The following APOC2 variants were observed in gnomAD, a reference collection of about 807,000 sequenced individuals.
The protein encoded by APOC2 is apolipoprotein C2.
APOC2 carries 6 observed loss-of-function variants against 10.2 expected under a neutral mutation model. The ratio of observed to expected loss-of-function variants is 0.59; its 90% CI spans 0.32 to 1.16. The LOEUF (loss-of-function observed/expected upper bound fraction) is 1.16. APOC2 is among the 50% of genes most tolerant of loss of function. The probability of loss-of-function intolerance (pLI) is 0.05; values close to 1 mark genes in which losing one functional copy is unlikely to be tolerated. For synonymous variants in APOC2, 56 were observed against 48.5 expected (o/e 1.15, Z -0.64); for missense variants, 110 against 117.6 (o/e 0.94, Z 0.30).
chr19:44,949,277 G>A lies in APOC2; in HGVS notation c.*28G>A. 1 of 1,595,186 alleles carries A rather than the reference G, an allele frequency of 6.3e-7. No individual in the cohort carries two copies. Among genetic ancestry groups the A allele is most frequent in the Non-Finnish European group, 8.6e-7 (1 of 1,165,688 alleles). ...GCCAGACCCCCCATCAGTGGACAAGGGGAGAGTCCCCTACTCCCCTGATCC... is the reference window on the plus strand; with the variant it reads ...GCCAGACCCCCCATCAGTGGACAAGAGGAGAGTCCCCTACTCCCCTGATCC... On this transcript the variant is annotated 3_prime_UTR_variant, in exon 4 of 4. Coordinates refer to ENST00000252490, the MANE Select transcript of APOC2 (RefSeq NM_000483.5).
intron 1 of APOC2, 121 bp downstream of exon 1, chr19:44,946,196 T>G (rs1163996369): frequency 3.2e-5 from 2 of 62,088 alleles, no homozygotes; most frequent in African/African-American, 1.4e-4. Flanking sequence ...CATGACTGTG[T>G]GTGTGTGTGT....
chr19:44,948,610 T>C lies in APOC2; in HGVS notation c.55+77T>C, dbSNP rs989170781. 4.4e-6 allele frequency: 7 copies of C among 1,604,826 alleles called. No homozygotes were observed. The African/African-American group carries it at 6.7e-5, about 15-fold the overall frequency. The stretch of plus-strand genomic sequence containing the variant: ...AGCATCTTCCCAGCCCAGGCCCTTC[T>C]TACCTCTGCCTCTGCCCTCTCCTCT... On this transcript the variant is annotated intron_variant, in intron 2 of 3. Coordinates refer to ENST00000252490, the MANE Select transcript of APOC2 (RefSeq NM_000483.5).
rs752198029 is a variant in APOC2 at position 44,949,258 on chromosome 19, C to T, written c.*9C>T. 5.0e-6 allele frequency: 8 copies of T among 1,610,800 alleles called. No homozygotes were observed. In the Admixed American group the frequency reaches 1.2e-4, roughly 24 times the overall value. On this transcript the variant is annotated 3_prime_UTR_variant, in exon 4 of 4. Transcript: ENST00000252490. ...TGAAGGGAGAGGAGTAACAGCCAGA[C>T]CCCCCATCAGTGGACAAGGGGAGAG...
Position 44,948,515 on chromosome 19 carries a change from C to T in APOC2, c.37C>T (p.Leu13Phe), listed in dbSNP as rs1039763443. The T allele has an allele frequency of 6.2e-7, 1 of 1,614,028 alleles. No individual in the cohort carries two copies. The highest frequency in any genetic ancestry group is 8.5e-7 in the Non-Finnish European group (1 of 1,180,026). ...TRLLPALFLV[L>F]LVLGFEVQGT... ...ACTCCTCCCAGCTCTGTTTCTTGTC[C>T]TCCTGGTATTGGGATTTGGTGAGTG... The change falls in exon 2 of 4, where the codon CTC (leucine) becomes TTC (phenylalanine). Residue 13 changes from leucine to phenylalanine, a missense_variant. Leu to Phe is a conservative substitution (Grantham distance 22). Coordinates refer to ENST00000252490, the MANE Select transcript of APOC2 (RefSeq NM_000483.5).
chr19:44,946,191 CTGTGTGTGTGTGTGTGTGTG>C (rs71338739), intron 1 of APOC2, 116 bp downstream of exon 1: 5 of 134,120 alleles, frequency 3.7e-5, no homozygotes, highest in South Asian at 4.8e-4. Context: ...GGAACCATGA[CTGTGTGTGTGTGTGTGTGTG>C]TGTGTGTGTG....
intron 1 of APOC2, chr19:44,947,458 T>G (rs893325983): frequency 3.3e-5 from 5 of 152,410 alleles, no homozygotes; most frequent in African/African-American, 1.2e-4. Context: ...GGCAGAGGCT[T>G]TGCTGTGTTC....
intron 1 of APOC2, among the ~76,000 whole-genome samples, chr19:44,946,304 C>T (rs1167810429): frequency 6.6e-6 from 1 of 151,520 alleles, no homozygotes; most frequent in Non-Finnish European, 1.5e-5. Flanking sequence ...TGGGCTCAAG[C>T]AATCCTCCTG....
chr19:44,948,991 C>T lies in APOC2; in HGVS notation c.215+131C>T. The T allele has an allele frequency of 5.4e-6, 7 of 1,291,020 alleles. No individual in the cohort carries two copies. The South Asian group carries it at 9.1e-5, about 17-fold the overall frequency. The allele number at this position is 1,291,020 out of a possible 1,614,324, so 80.0% of individuals were successfully genotyped here. A position where few individuals can be genotyped will look rare whatever the true frequency, so the allele number is the denominator to read the frequency against. The stretch of plus-strand genomic sequence containing the variant: ...GGCCTCAGCCCCTCCTCCCTCAGAC[C>T]CAGGAGTCCAGGCCCCCAGCCCGTC... On this transcript the variant is annotated intron_variant, in intron 3 of 3. Coordinates refer to ENST00000252490, the MANE Select transcript of APOC2 (RefSeq NM_000483.5).
rs1468417292 is a variant in APOC2, at chr19:44,949,455, G to A, written c.*206G>A. 3.3e-6 allele frequency: 2 copies of A among 607,026 alleles called. No individual in the cohort carries two copies. Among genetic ancestry groups the A allele is most frequent in the African/African-American group, 1.8e-5 (1 of 54,290 alleles). The allele number at this position is 607,026 out of a possible 1,614,324, so 37.6% of individuals were successfully genotyped here. A position where few individuals can be genotyped will look rare whatever the true frequency, so the allele number is the denominator to read the frequency against. ...ACTCAAGGGCCAAGATGGAGGGGCT[G>A]ACTCAGTCCAGCCAACATTTAATGA... On this transcript the variant is annotated 3_prime_UTR_variant, in exon 4 of 4. Coordinates refer to ENST00000252490, the MANE Select transcript of APOC2 (RefSeq NM_000483.5).
At chr19:44,947,907 A>C (rs1970339485) in intron 1 of APOC2, among the ~76,000 whole-genome samples, 1 of 152,206 alleles carries the variant, frequency 6.6e-6, no homozygotes, top group Admixed American at 6.5e-5. Context: ...ATCTCTACTA[A>C]AAATACAAAA....
At position 44,948,643 on chromosome 19, in the gene APOC2, T is replaced by G. The variant is rs528176006; in HGVS notation, c.56-58T>G. The G allele has an allele frequency of 6.2e-6, 10 of 1,609,434 alleles. No homozygotes were observed. The East Asian group carries it at 2.2e-4, about 36-fold the overall frequency. ...GCCTCTGCCCTCTCCTCTTCTTCCT[T>G]CCTCCTTTCCCCCTGCTGCAGCCCC... On this transcript the variant is annotated intron_variant, in intron 2 of 3. Coordinates refer to ENST00000252490, the MANE Select transcript of APOC2 (RefSeq NM_000483.5).
chr19:44,948,894 C>G (rs1225024435), intron 3 of APOC2, 34 bp downstream of exon 3: 2 of 1,607,254 alleles, frequency 1.2e-6, no homozygotes, highest in African/African-American at 2.7e-5. Context: ...GGGGTCTGGC[C>G]CATACCACCG....
chr19:44,948,095 G>T (rs1056958456), intron 1 of APOC2, among the ~76,000 whole-genome samples: 2 of 151,652 alleles, frequency 1.3e-5, no homozygotes, highest in African/African-American at 4.8e-5. Context: ...AAAATCAGCC[G>T]GGTGGTGGCG....
Position 44,946,747 on chromosome 19 carries a change from AG to A in APOC2, c.-14+674del, listed in dbSNP as rs1441279296. 1.1e-4 allele frequency among the ~76,000 whole-genome samples: 16 copies of A among 152,096 alleles called. 1 individual carries two copies. The highest frequency in any genetic ancestry group is 1.0e-3 in the Admixed American group (16 of 15,240). On this transcript the variant is annotated intron_variant, in intron 1 of 3. Transcript: ENST00000252490. Reference sequence around the variant, plus strand: ...TGAGACAGGAGAATTGCTTGAACCCAGGAAGCGGAGGTTGCAGTGAGCCCAG... The same window carrying A: ...TGAGACAGGAGAATTGCTTGAACCCAGAAGCGGAGGTTGCAGTGAGCCCAG...
intron 1 of APOC2, 129 bp from the exon 2 acceptor site, chr19:44,948,337 T>C (rs1191067400): frequency 5.1e-6 from 4 of 783,236 alleles, no homozygotes; most frequent in South Asian, 1.4e-5. Flanking sequence ...AGTCCATGCA[T>C]GGGAAACTTG....
intron 1 of APOC2, among the ~76,000 whole-genome samples, chr19:44,948,135 C>T (rs574395822): frequency 6.6e-6 from 1 of 152,072 alleles, no homozygotes; most frequent in Non-Finnish European, 1.5e-5. Context: ...ACTGGGGAGG[C>T]TGAGGCAGGA....
rs1003986016 is a variant in APOC2, at chr19:44,949,331, CAGT to C, written c.*85_*87del. On this transcript the variant is annotated 3_prime_UTR_variant, in exon 4 of 4. Coordinates refer to ENST00000252490, the MANE Select transcript of APOC2 (RefSeq NM_000483.5). Reference sequence around the variant, plus strand: ...AGGTTCAGACTGAGCTCCCCCTTCCCAGTAGCTCTTGCATCCTCCTCCCAACTC... The same window carrying C: ...AGGTTCAGACTGAGCTCCCCCTTCCCAGCTCTTGCATCCTCCTCCCAACTC... The C allele has an allele frequency of 1.9e-6, 2 of 1,036,884 alleles. No individual in the cohort carries two copies. The highest frequency in any genetic ancestry group is 5.0e-5 in the East Asian group (2 of 40,164). The allele number at this position is 1,036,884 out of a possible 1,614,324, so 64.2% of individuals were successfully genotyped here.
chr19:44,948,352 G>A lies in APOC2; in HGVS notation c.-13-114G>A, dbSNP rs1599992489. On this transcript the variant is annotated intron_variant, in intron 1 of 3. Transcript: ENST00000252490. ...AGTCCATGCATGGGAAACTTGACTG[G>A]GACACCGAGCTCACACAGAGCAGGA... 6 of 882,394 alleles carry A rather than the reference G, an allele frequency of 6.8e-6. No homozygotes were observed. The East Asian group carries it at 1.5e-4, about 22-fold the overall frequency. The allele number at this position is 882,394 out of a possible 1,614,324, so 54.7% of individuals were successfully genotyped here.
At chr19:44,946,201 GT>G (rs1183815258) in intron 1 of APOC2, 126 bp downstream of exon 1, 1 of 99,542 alleles carries the variant, frequency 1.0e-5, no homozygotes, top group Non-Finnish European at 2.4e-5. Context: ...CTGTGTGTGT[GT>G]GTGTGTGTGT....
Sources: gnomAD v4.1 joint callset for allele counts (sites outside exome capture counted in the v4.1 genomes callset) on GRCh38, gnomAD v4.1.1 for gene constraint, MANE v1.5 for transcripts, NCBI Gene and HGNC (gene_info 2026-07-23, HGNC 2026-07-21) for gene names.